Variants in IQSEC1 observed in about 807,000 individuals in gnomAD.
The protein encoded by IQSEC1 is IQ motif and SEC7 domain-containing protein 1.
Under a neutral mutation model 91.0 loss-of-function variants are expected in IQSEC1, and 31 were observed. The ratio of observed to expected loss-of-function variants is 0.34; its 90% CI spans 0.26 to 0.46. The LOEUF is 0.46. Among genes scored for constraint, IQSEC1 ranks in the 20% least tolerant of loss-of-function variants. The probability of loss-of-function intolerance (pLI) is 1.00; values close to 1 mark genes in which losing one functional copy is unlikely to be tolerated. For synonymous variants in IQSEC1, 699 were observed against 662.6 expected (o/e 1.05, Z -0.84); for missense variants, 1,388 against 1,575.6 (o/e 0.88, Z 2.02).
rs1698156885 is a variant in IQSEC1 at position 12,936,031 on chromosome 3, A to G, written c.985T>C (p.Tyr329His). 1 of 1,602,486 alleles carries G rather than the reference A, an allele frequency of 6.2e-7. No homozygotes were observed. The part of the protein sequence containing the change: ...RLRAGGAAPD[Y>H]WALAHKEDKA... Reference sequence around the variant, plus strand: ...TCCTCTTTGTGGGCCAGGGCCCAGTAGTCTGGGGCTGCGCCCCCAGCCCGT... The same window carrying G: ...TCCTCTTTGTGGGCCAGGGCCCAGTGGTCTGGGGCTGCGCCCCCAGCCCGT... Residue 329 changes from tyrosine to histidine, a missense_variant, in exon 3 of 14, where the codon TAC becomes CAC. Tyr to His is a moderately conservative substitution (Grantham distance 83). This residue lies in a region of IQSEC1 where 1,059 missense variants were observed against 1,317.8 expected (regional missense o/e 0.80). Transcript: ENST00000613206.
At chr3:13,152,391 T>C (rs358348) in intron 2 of IQSEC1, among the ~76,000 whole-genome samples, 48,099 of 152,124 alleles carry the variant, frequency 0.32, 8,000 homozygotes, top group East Asian at 0.54. Flanking sequence ...TAAATGAATG[T>C]TTAGAAATAT....
chr3:12,931,049 T>C (rs953301413), intron 3 of IQSEC1, among the ~76,000 whole-genome samples: 4 of 152,142 alleles, frequency 2.6e-5, no homozygotes, highest in African/African-American at 7.2e-5. Flanking sequence ...ACGCACTTTC[T>C]GGTAGCGTGA....
chr3:13,188,718 C>T (rs1005947746), intron 1 of IQSEC1, among the ~76,000 whole-genome samples: 1 of 152,202 alleles, frequency 6.6e-6, no homozygotes, highest in Non-Finnish European at 1.5e-5. Flanking sequence ...GCTAGAAGTC[C>T]TCTTTCACCG....
At chr3:13,143,418 T>C (rs1706833831) in intron 2 of IQSEC1, among the ~76,000 whole-genome samples, 1 of 152,046 alleles carries the variant, frequency 6.6e-6, no homozygotes, top group Non-Finnish European at 1.5e-5. Context: ...AGCGGGTATG[T>C]GAGGAGGACA....
intron 1 of IQSEC1, among the ~76,000 whole-genome samples, chr3:13,044,883 T>C (rs1208974362): frequency 6.6e-6 from 1 of 152,238 alleles, no homozygotes; most frequent in South Asian, 2.1e-4. Context: ...AGCTGGTGCC[T>C]CCACTGCACA....
At chr3:13,169,097 G>A (rs923489062) in intron 1 of IQSEC1, among the ~76,000 whole-genome samples, 2 of 152,188 alleles carry the variant, frequency 1.3e-5, no homozygotes, top group African/African-American at 4.8e-5. Context: ...GATATGGTTT[G>A]GGTGTGTCCC....
At chr3:13,071,882 G>A (rs1050151462) in intron 1 of IQSEC1, among the ~76,000 whole-genome samples, 4 of 151,758 alleles carry the variant, frequency 2.6e-5, no homozygotes, top group African/African-American at 9.7e-5. Flanking sequence ...AGAGGCCACC[G>A]CCATCCCCCG....
In IQSEC1 at chr3:12,899,152, T is replaced by C; in HGVS notation, c.*1831A>G. ...TGCTGGTACGGTGATCTCAATGATA[T>C]GACCGAGGGTGGGAGGGATGTGAGG... On this transcript the variant is annotated 3_prime_UTR_variant, in exon 14 of 14. Coordinates refer to ENST00000613206, the MANE Select transcript of IQSEC1 (RefSeq NM_001134382.3). 5.3e-6 allele frequency: 3 copies of C among 562,536 alleles called. No individual in the cohort carries two copies. Among genetic ancestry groups the C allele is most frequent in the Admixed American group, 6.3e-5 (2 of 31,922 alleles). 34.8% of individuals were successfully genotyped at this position (562,536 alleles called of 1,614,324 possible).
intron 6 of IQSEC1, 152 bp from the exon 7 acceptor site, chr3:12,915,885 C>T (rs1696037853): frequency 1.1e-6 from 1 of 901,762 alleles, no homozygotes; most frequent in African/African-American, 1.7e-5. Flanking sequence ...CATTTTCAGT[C>T]AACACAAATT....
At chr3:13,225,635 G>C (rs1250394877) in intron 1 of IQSEC1, among the ~76,000 whole-genome samples, 1 of 152,126 alleles carries the variant, frequency 6.6e-6, no homozygotes, top group Non-Finnish European at 1.5e-5. Context: ...ATAAAGAATA[G>C]ATCCCTGCCA....
chr3:13,283,136 G>T (rs1695831552), exon 1 of IQSEC1, among the ~76,000 whole-genome samples: 1 of 145,284 alleles, frequency 6.9e-6, no homozygotes, highest in South Asian at 2.1e-4. Context: ...GCCGCCCCCG[G>T]GGCCCCCGCG....
intron 2 of IQSEC1, among the ~76,000 whole-genome samples, chr3:13,095,851 A>G (rs545448351): frequency 6.6e-6 from 1 of 152,280 alleles, no homozygotes; most frequent in African/African-American, 2.4e-5. Context: ...CAGAGGAGAG[A>G]GGCCTGGGAA....
chr3:12,935,542 G>A lies in IQSEC1; in HGVS notation c.1474C>T (p.His492Tyr). The A allele has an allele frequency of 6.2e-7, 1 of 1,614,082 alleles. No individual in the cohort carries two copies. Among genetic ancestry groups the A allele is most frequent in the Non-Finnish European group, 8.5e-7 (1 of 1,179,984 alleles). Residue 492 changes from histidine (H) to tyrosine (Y), a missense_variant, in exon 3 of 14, where the codon CAC (histidine) becomes TAC (tyrosine). Around this residue, in one of 2 missense-constraint regions of IQSEC1, gnomAD observed 1,059 missense variants for 1,317.8 expected, o/e 0.80. Transcript: ENST00000613206. The surrounding 1 kb of genome is among the most constrained non-coding windows in gnomAD (Gnocchi z 8.0). ...TCCCAGCTGTTGCGGGCCTCCTTGT[G>A]GTAGGTCTGCTTGCTGAGCGTCTGC... The part of the protein sequence containing the change: ...REQTLSKQTY[H>Y]KEARNSWDSP...
intron 2 of IQSEC1, among the ~76,000 whole-genome samples, chr3:13,081,318 G>T (rs571656505): frequency 6.6e-6 from 1 of 152,298 alleles, no homozygotes; most frequent in South Asian, 2.1e-4. Context: ...GCCCAGTCTG[G>T]AGTACAGTGG....
rs184644075 is a variant in IQSEC1 at position 13,245,189 on chromosome 3, G to A, written c.272+37522C>T. On this transcript the variant is annotated intron_variant, in intron 1 of 15. Coordinates refer to the IQSEC1 transcript ENST00000648114. ...CTGCCGGCAGCTCAGCAAGGGGCTG[G>A]CTGGACTAGCGAAGCCATGAAGCCA... 1.8e-3 allele frequency among the ~76,000 whole-genome samples: 281 copies of A among 152,264 alleles called. 1 individual carries two copies. Among genetic ancestry groups the A allele is most frequent in the Admixed American group, 3.7e-3 (57 of 15,296 alleles).
chr3:12,994,175 G>A lies in IQSEC1; in HGVS notation c.24-52310C>T, dbSNP rs1702123622. On this transcript the variant is annotated intron_variant, in intron 1 of 13. Coordinates refer to ENST00000613206, the MANE Select transcript of IQSEC1 (RefSeq NM_001134382.3). The surrounding 1 kb of genome is among the most constrained non-coding windows in gnomAD (Gnocchi z 4.5). ...TGGCCGGGCGCGGGGGGGCGGGGGCGGGCGCTCGGGAGCCGGAGCCGGAGC... is the reference window on the plus strand; with the variant it reads ...TGGCCGGGCGCGGGGGGGCGGGGGCAGGCGCTCGGGAGCCGGAGCCGGAGC... 6.8e-6 allele frequency among the ~76,000 whole-genome samples: 1 copy of A among 146,758 alleles called. No individual in the cohort carries two copies. The highest frequency in any genetic ancestry group is 1.5e-5 in the Non-Finnish European group (1 of 65,998).
chr3:13,131,476 G>GTT (rs1706618776), intron 2 of IQSEC1, among the ~76,000 whole-genome samples: 1 of 107,310 alleles, frequency 9.3e-6, no homozygotes, highest in Non-Finnish European at 1.9e-5. Flanking sequence ...TTAAATCTAT[G>GTT]TCTTTTTTTT....
chr3:13,151,538 C>T (rs1477829465), intron 2 of IQSEC1, among the ~76,000 whole-genome samples: 2 of 152,146 alleles, frequency 1.3e-5, no homozygotes, highest in South Asian at 2.1e-4. Context: ...AATGGGAGCA[C>T]GATGGGGTCG....
chr3:12,954,269 T>G (rs1489088178), intron 1 of IQSEC1, among the ~76,000 whole-genome samples: 3 of 152,108 alleles, frequency 2.0e-5, no homozygotes, highest in African/African-American at 7.2e-5. Flanking sequence ...GTTTTGGAGA[T>G]GAGAATGCAG....
Sources: gnomAD v4.1 joint callset for allele counts (sites outside exome capture counted in the v4.1 genomes callset) on GRCh38, gnomAD v4.1.1 for gene constraint, gnomAD v4.1.1 regional missense constraint, Gnocchi (gnomAD v3.1) non-coding constraint, MANE v1.5 for transcripts, NCBI Gene and HGNC (gene_info 2026-07-23, HGNC 2026-07-21) for gene names.